NUDT5: variants seen among roughly 807,000 people sequenced by gnomAD.
The protein encoded by NUDT5 is ADP-sugar pyrophosphatase.
A neutral mutation model predicts 34.1 loss-of-function variants in NUDT5; 21 were observed. That is an observed-to-expected ratio of 0.62 (90% CI 0.44 to 0.89). The LOEUF (loss-of-function observed/expected upper bound fraction) is 0.89. Ranked by LOEUF, NUDT5 falls within the 40% of genes least tolerant of loss-of-function variation. The probability of loss-of-function intolerance (pLI) is 0.00; values close to 1 mark genes in which losing one functional copy is unlikely to be tolerated. For synonymous variants in NUDT5, 85 were observed against 97.6 expected, an observed-to-expected ratio of 0.87 and a Z score of 0.76; for missense variants, 249 against 274.8, an observed-to-expected ratio of 0.91 and a Z score of 0.66.
rs1834658971 is a variant in NUDT5 at position 12,165,707 on chromosome 10, C to T, written c.*1995G>A. On this transcript the variant is annotated 3_prime_UTR_variant, in exon 10 of 10. Transcript: ENST00000491614. ...AAGATCAAACTTAATTTTTAAAAGA[C>T]ACCCTTTTCAGAAGTATGGGTTTTC... 6.6e-6 allele frequency: 1 copy of T among 152,202 alleles called. No individual in the cohort carries two copies. Among genetic ancestry groups the T allele is most frequent in the Non-Finnish European group, 1.5e-5 (1 of 68,048 alleles). 9.4% of individuals were successfully genotyped at this position (152,202 alleles called of 1,614,324 possible).
chr10:12,190,606 C>CTTT lies in NUDT5; in HGVS notation c.-41-4277_-41-4275dup, dbSNP rs1013405393. On this transcript the variant is annotated intron_variant, in intron 1 of 9. Transcript: ENST00000491614. ...GAGGCAGTGAGGAAAATGATAAAGC[C>CTTT]TTTTTTTTTTTTTTTTTTTTGAGAC... Among the ~76,000 whole-genome samples the CTTT allele has an allele frequency of 4.7e-4, 60 of 127,958 alleles. 1 individual carries two copies. Among genetic ancestry groups the CTTT allele is most frequent in the African/African-American group, 1.5e-3 (51 of 33,158 alleles). 83.9% of individuals were successfully genotyped at this position (127,958 alleles called of 152,430 possible). A position where few individuals can be genotyped will look rare whatever the true frequency, so the allele number is the denominator to read the frequency against.
At chr10:12,190,743 G>A (rs957671799) in intron 1 of NUDT5, among the ~76,000 whole-genome samples, 4 of 151,302 alleles carry the variant, frequency 2.6e-5, no homozygotes, top group Non-Finnish European at 4.4e-5. Context: ...TGAACAGCTG[G>A]GATTACAGGC....
chr10:12,186,100 A>G, intron 2 of NUDT5, 129 bp downstream of exon 2: 3 of 750,882 alleles, frequency 4.0e-6, no homozygotes, highest in Non-Finnish European at 6.7e-6. Context: ...AGCCCAAAAA[A>G]GGGAGTAGGA....
rs1835040654 is a variant in NUDT5, at chr10:12,181,537, C to T, written c.132-2405G>A. ...TTACCCCACAGAGCAGGAAATAAGC[C>T]AAAGAACCCCACAATGAGTCATGCA... is the stretch of plus-strand genomic sequence containing the variant. On this transcript the variant is annotated intron_variant, in intron 3 of 9. Transcript: ENST00000491614. The surrounding 1 kb of genome is among the most constrained non-coding windows in gnomAD (Gnocchi z 5.0). 6.6e-6 allele frequency among the ~76,000 whole-genome samples: 1 copy of T among 152,128 alleles called. No homozygotes were observed. The highest frequency in any genetic ancestry group is 1.5e-5 in the Non-Finnish European group (1 of 68,020).
chr10:12,186,316 C>A lies in NUDT5; in HGVS notation c.-25G>T. The A allele has an allele frequency of 1.3e-6, 2 of 1,555,894 alleles. No homozygotes were observed. The highest frequency in any genetic ancestry group is 2.7e-5 in the African/African-American group (2 of 74,018). The stretch of plus-strand genomic sequence containing the variant: ...TTTTCAAACGAGTCTTTACAGCCCT[C>A]AGGTGAGAAGTTCACCCTGCAAGAT... On this transcript the variant is annotated 5_prime_UTR_variant, in exon 2 of 10. Coordinates refer to ENST00000491614, the MANE Select transcript of NUDT5 (RefSeq NM_014142.4).
At position 12,168,405 on chromosome 10, in the gene NUDT5, G is replaced by A. The variant is rs4747967; in HGVS notation, c.551-594C>T. Among the ~76,000 whole-genome samples, 63,691 of 152,010 alleles carry A rather than the reference G, an allele frequency of 0.42. 13,378 individuals carry two copies. Among genetic ancestry groups the A allele is most frequent in the East Asian group, 0.53 (2,730 of 5,180 alleles). ...ATACCTCATTTATAGCTGGGGTAGG[G>A]CTTTGCTTTTCTGAAACCAGATGGT... is the stretch of plus-strand genomic sequence containing the variant. On this transcript the variant is annotated intron_variant, in intron 9 of 9. Transcript: ENST00000491614. The surrounding 1 kb of genome is among the most constrained non-coding windows in gnomAD (Gnocchi z 4.8).
chr10:12,167,773 C>T lies in NUDT5; in HGVS notation c.589G>A (p.Val197Ile). 6.2e-7 allele frequency: 1 copy of T among 1,614,152 alleles called. No homozygotes were observed. Among genetic ancestry groups the T allele is most frequent in the Non-Finnish European group, 8.5e-7 (1 of 1,180,036 alleles). ...AEEHLTVDAR[V>I]YSYALALKHA... Reference sequence around the variant, plus strand: ...TTCAGTGCTAGAGCGTAGGAATAGACCCTGGCGTCCACTGTGAGATGTTCT... The same window carrying T: ...TTCAGTGCTAGAGCGTAGGAATAGATCCTGGCGTCCACTGTGAGATGTTCT... The change falls in exon 10 of 10, where the codon GTC (valine) becomes ATC (isoleucine). Residue 197 changes from valine (V) to isoleucine (I), a missense_variant. Val to Ile is a conservative substitution (Grantham distance 29). Coordinates refer to ENST00000491614, the MANE Select transcript of NUDT5 (RefSeq NM_014142.4).
At chr10:12,178,723 G>A (rs1834994337) in intron 4 of NUDT5, among the ~76,000 whole-genome samples, 1 of 152,198 alleles carries the variant, frequency 6.6e-6, no homozygotes, top group African/African-American at 2.4e-5. Flanking sequence ...AAGCATGAAG[G>A]TGTGCCAAGT....
In NUDT5 at chr10:12,181,225, TTACTC is replaced by T. The variant is rs963362806; in HGVS notation, c.132-2098_132-2094del. Among the ~76,000 whole-genome samples, 3 of 152,204 alleles carry T rather than the reference TTACTC, an allele frequency of 2.0e-5. No homozygotes were observed. Among genetic ancestry groups the T allele is most frequent in the Non-Finnish European group, 4.4e-5 (3 of 68,030 alleles). Reference sequence around the variant, plus strand: ...ATTTGCATTGTATTAGGTGCTGTGATTACTCTAGAGATGAAGTGCGTGGGAGGATG... The same window carrying T: ...ATTTGCATTGTATTAGGTGCTGTGATTAGAGATGAAGTGCGTGGGAGGATG... On this transcript the variant is annotated intron_variant, in intron 3 of 9. Coordinates refer to ENST00000491614, the MANE Select transcript of NUDT5 (RefSeq NM_014142.4). This position sits in a 1 kb window ranked among gnomAD's most constrained non-coding sequence, Gnocchi z 5.0.
In NUDT5 at chr10:12,171,731, ATTTATTTT is replaced by A. The variant is rs935571359; in HGVS notation, c.488-831_488-824del. Among the ~76,000 whole-genome samples the A allele has an allele frequency of 2.1e-5, 3 of 140,106 alleles. No individual in the cohort carries two copies. Among genetic ancestry groups the A allele is most frequent in the Non-Finnish European group, 4.8e-5 (3 of 62,252 alleles). The allele number at this position is 140,106 out of a possible 152,430, so 91.9% of individuals were successfully genotyped here. On this transcript the variant is annotated intron_variant, in intron 7 of 9. Coordinates refer to ENST00000491614, the MANE Select transcript of NUDT5 (RefSeq NM_014142.4). The surrounding 1 kb of genome is among the most constrained non-coding windows in gnomAD (Gnocchi z 4.2). ...TATTTATTTATTTATTTATTTATTT[ATTTATTTT>A]TTGGAGACAGGGTCTCAGTCTGTTG...
Position 12,170,848 on chromosome 10 carries a change from C to G in NUDT5, c.496+52G>C, listed in dbSNP as rs535640274. Reference sequence around the variant, plus strand: ...AACAACCCAAAATGTCTGCAGCCATCACCACTACACTAAGTCATACACGCT... The same window carrying G: ...AACAACCCAAAATGTCTGCAGCCATGACCACTACACTAAGTCATACACGCT... On this transcript the variant is annotated intron_variant, in intron 8 of 9. Coordinates refer to ENST00000491614, the MANE Select transcript of NUDT5 (RefSeq NM_014142.4). This position sits in a 1 kb window ranked among gnomAD's most constrained non-coding sequence, Gnocchi z 4.9. The G allele has an allele frequency of 5.8e-5, 94 of 1,613,364 alleles. No homozygotes were observed. The highest frequency in any genetic ancestry group is 7.8e-5 in the Non-Finnish European group (92 of 1,179,398).
chr10:12,193,240 G>A (rs1303895930), intron 1 of NUDT5, among the ~76,000 whole-genome samples: 1 of 152,110 alleles, frequency 6.6e-6, no homozygotes, highest in Non-Finnish European at 1.5e-5. Context: ...CAGTTTTAAG[G>A]GAGACTGGGA....
At position 12,184,361 on chromosome 10, in the gene NUDT5, C is replaced by T. The variant is rs1026994786; in HGVS notation, c.131+528G>A. 4.9e-6 allele frequency: 4 copies of T among 820,000 alleles called. No homozygotes were observed. The Admixed American group carries it at 8.9e-5, about 18-fold the overall frequency. The allele number at this position is 820,000 out of a possible 1,614,324, so 50.8% of individuals were successfully genotyped here. ...CAGGCGTGAGCCAACACACCTGGCC[C>T]TTAACACTTTGTTAAAACTGGGATT... On this transcript the variant is annotated intron_variant, in intron 3 of 9. Transcript: ENST00000491614.
chr10:12,170,048 A>G lies in NUDT5; in HGVS notation c.550+669T>C. ...AAGGGCCCATGGTATGTCTCCATAC[A>G]GTATCTCCTCGTCTCCACACAGTAT... On this transcript the variant is annotated intron_variant, in intron 9 of 9. Transcript: ENST00000491614. This position sits in a 1 kb window ranked among gnomAD's most constrained non-coding sequence, Gnocchi z 4.9. 6.6e-7 allele frequency: 1 copy of G among 1,513,064 alleles called. No homozygotes were observed. 93.7% of individuals were successfully genotyped at this position (1,513,064 alleles called of 1,614,324 possible). A position where few individuals can be genotyped will look rare whatever the true frequency, so the allele number is the denominator to read the frequency against.
intron 1 of NUDT5, among the ~76,000 whole-genome samples, chr10:12,192,901 T>A (rs1835257481): frequency 6.6e-6 from 1 of 151,840 alleles, no homozygotes. Flanking sequence ...TTGTGCCATT[T>A]ATGGTAAAAA....
In NUDT5 at chr10:12,182,722, C is replaced by T. The variant is rs867745910; in HGVS notation, c.131+2167G>A. Among the ~76,000 whole-genome samples, 5 of 152,026 alleles carry T rather than the reference C, an allele frequency of 3.3e-5. No individual in the cohort carries two copies. The highest frequency in any genetic ancestry group is 9.7e-5 in the African/African-American group (4 of 41,400). On this transcript the variant is annotated intron_variant, in intron 3 of 9. Transcript: ENST00000491614. This position sits in a 1 kb window ranked among gnomAD's most constrained non-coding sequence, Gnocchi z 4.3. ...AGTCAGGCGAAGAGATGAGCTGGCG[C>T]GAACACATCTTTTTATTTTATTTTT... is the stretch of plus-strand genomic sequence containing the variant.
rs1344225023 is a variant in NUDT5 at position 12,169,074 on chromosome 10, C to A, written c.551-1263G>T. 6.6e-6 allele frequency among the ~76,000 whole-genome samples: 1 copy of A among 152,092 alleles called. No individual in the cohort carries two copies. The highest frequency in any genetic ancestry group is 2.4e-5 in the African/African-American group (1 of 41,430). On this transcript the variant is annotated intron_variant, in intron 9 of 9. Coordinates refer to ENST00000491614, the MANE Select transcript of NUDT5 (RefSeq NM_014142.4). This position sits in a 1 kb window ranked among gnomAD's most constrained non-coding sequence, Gnocchi z 4.8. ...CACCGCACCCGGCCAGCAAACTGATCTTAAAATGTAATACTTTCCTTCCGA... is the reference window on the plus strand; with the variant it reads ...CACCGCACCCGGCCAGCAAACTGATATTAAAATGTAATACTTTCCTTCCGA...
rs140465352 is a variant in NUDT5, at chr10:12,169,379, C to T, written c.550+1338G>A. 463 of 1,238,654 alleles carry T rather than the reference C, an allele frequency of 3.7e-4. 2 individuals are homozygous for T. The African/African-American group carries it at 5.7e-3, about 15-fold the overall frequency. The allele number at this position is 1,238,654 out of a possible 1,614,324, so 76.7% of individuals were successfully genotyped here. On this transcript the variant is annotated intron_variant, in intron 9 of 9. Transcript: ENST00000491614. This position sits in a 1 kb window ranked among gnomAD's most constrained non-coding sequence, Gnocchi z 4.8. ...CTTGCCTACGTCACCCTGCTTTCCA[C>T]GCACCTCCTCAGAGGGAGGGGCTGT...
chr10:12,190,025 C>G (rs1835196159), intron 1 of NUDT5, among the ~76,000 whole-genome samples: 1 of 151,938 alleles, frequency 6.6e-6, no homozygotes. Flanking sequence ...TCCCAAGTAG[C>G]TGGGATTACA....
Sources: gnomAD v4.1 joint callset for allele counts (sites outside exome capture counted in the v4.1 genomes callset) on GRCh38, gnomAD v4.1.1 for gene constraint, Gnocchi (gnomAD v3.1) non-coding constraint, MANE v1.5 for transcripts, NCBI Gene and HGNC (gene_info 2026-07-23, HGNC 2026-07-21) for gene names.